Variants in OLFM1 observed in about 807,000 individuals in gnomAD.
OLFM1 encodes the protein noelin.
OLFM1 carries 9 observed loss-of-function variants against 49.7 expected under a neutral mutation model. The observed-to-expected ratio is 0.18, with a 90% CI of 0.11 to 0.32. OLFM1 has a LOEUF of 0.32. OLFM1 is among the 10% of genes least tolerant of loss of function. The pLI, the probability that OLFM1 is intolerant of heterozygous loss-of-function variation, is 1.00. For missense variants in OLFM1, 369 were observed against 661.8 expected (o/e 0.56, Z 4.85); for synonymous variants, 240 against 271.8 (o/e 0.88, Z 1.15).
intron 1 of OLFM1, chr9:135,076,942 G>A (rs1564264444): frequency 1.3e-6 from 2 of 1,550,640 alleles, no homozygotes; most frequent in East Asian, 2.4e-5. Flanking sequence ...GCTCTGCCCA[G>A]GATGTGCAGT....
At chr9:135,106,981 C>T (rs1376666093) in intron 5 of OLFM1, 126 bp downstream of exon 5, 6 of 724,464 alleles carry the variant, frequency 8.3e-6, no homozygotes, top group African/African-American at 1.8e-5. Flanking sequence ...AGCTTGGTGC[C>T]TGGGGGCGTT....
intron 2 of OLFM1, among the ~76,000 whole-genome samples, chr9:135,091,874 G>A (rs912526534): frequency 2.6e-5 from 2 of 76,972 alleles, no homozygotes; most frequent in Non-Finnish European, 5.6e-5. Flanking sequence ...CTCACACACA[G>A]TCACACACAC....
At chr9:135,076,694 G>A in intron 1 of OLFM1, 1 of 1,389,950 alleles carries the variant, frequency 7.2e-7, no homozygotes, top group Non-Finnish European at 9.5e-7. Flanking sequence ...TCTGAACTGG[G>A]AGACTCTGGC....
chr9:135,106,531 C>T (rs1830945928), intron 4 of OLFM1: 1 of 563,284 alleles, frequency 1.8e-6, no homozygotes, highest in African/African-American at 1.9e-5. Context: ...CTATCCTGGC[C>T]ACAGCTGCTC....
chr9:135,076,076 C>A, intron 1 of OLFM1: 1 of 1,475,342 alleles, frequency 6.8e-7, no homozygotes, highest in Non-Finnish European at 9.0e-7. Flanking sequence ...GCCCCCGACT[C>A]CCTGCTGAGA....
rs1831155332 is a variant in OLFM1 at position 135,119,435 on chromosome 9, C to A, written c.784-69C>A. On this transcript the variant is annotated intron_variant, in intron 5 of 5. Coordinates refer to ENST00000371793, the MANE Select transcript of OLFM1 (RefSeq NM_001282611.2). ...AGTACTCACTGGATCTTTGGAAGTG[C>A]TCACTGGGTCTTTGGAGTACTCACT... The A allele has an allele frequency of 4.6e-6, 6 of 1,318,652 alleles. No individual in the cohort carries two copies. In the Admixed American group the frequency reaches 1.2e-4, roughly 26 times the overall value. 81.7% of individuals were successfully genotyped at this position (1,318,652 alleles called of 1,614,324 possible).
rs555316885 is a variant in OLFM1 at position 135,102,312 on chromosome 9, C to T, written c.676+3807C>T. 1.1e-4 allele frequency among the ~76,000 whole-genome samples: 17 copies of T among 152,334 alleles called. No individual in the cohort carries two copies. In the East Asian group the frequency reaches 1.5e-3, roughly 14 times the overall value. On this transcript the variant is annotated intron_variant, in intron 4 of 5. Transcript: ENST00000371793. ...GAGAGGGTCTGTCTTCTCCTGCCCC[C>T]GGCCCTGAGTGGAGCTAGACAGTGA...
intron 5 of OLFM1, among the ~76,000 whole-genome samples, chr9:135,112,595 C>T (rs771508173): frequency 7.9e-5 from 12 of 152,200 alleles, no homozygotes; most frequent in African/African-American, 1.2e-4. Flanking sequence ...GCCATGCACA[C>T]CTGCTTTCAG....
At chr9:135,101,698 C>T (rs756396806) in intron 4 of OLFM1, among the ~76,000 whole-genome samples, 1 of 152,198 alleles carries the variant, frequency 6.6e-6, no homozygotes, top group African/African-American at 2.4e-5. Flanking sequence ...CTGAGCTGGG[C>T]GTGGGGCCCT....
intron 1 of OLFM1, chr9:135,076,319 G>C: frequency 3.9e-6 from 6 of 1,549,970 alleles, no homozygotes; most frequent in Non-Finnish European, 5.2e-6. Flanking sequence ...GGCAGCCAGC[G>C]TGCCGGCCAG....
At chr9:135,077,223 G>T in intron 1 of OLFM1, 2 of 1,503,106 alleles carry the variant, frequency 1.3e-6, no homozygotes. Context: ...GTCCTGATTA[G>T]TGGCAAGCTG....
In OLFM1 at chr9:135,120,375, A is replaced by C; in HGVS notation, c.*197A>C. ...CGGCGGGCCACAGACGTCGGAAGAA[A>C]CTCCCGTATTTGCAGCTGGAACTGC... On this transcript the variant is annotated 3_prime_UTR_variant, in exon 6 of 6. Coordinates refer to ENST00000371793, the MANE Select transcript of OLFM1 (RefSeq NM_001282611.2). The C allele has an allele frequency of 8.5e-6, 5 of 589,310 alleles. No individual in the cohort carries two copies. Among genetic ancestry groups the C allele is most frequent in the East Asian group, 2.9e-5 (1 of 34,834 alleles). The allele number at this position is 589,310 out of a possible 1,614,324, so 36.5% of individuals were successfully genotyped here. A position where few individuals can be genotyped will look rare whatever the true frequency, so the allele number is the denominator to read the frequency against.
At chr9:135,114,493 T>C (rs1375039482) in intron 5 of OLFM1, among the ~76,000 whole-genome samples, 13 of 152,062 alleles carry the variant, frequency 8.5e-5, no homozygotes, top group Non-Finnish European at 1.8e-4. Flanking sequence ...GGACCTATCT[T>C]CTGGGGGCCA....
chr9:135,099,343 G>A (rs1172506332), intron 4 of OLFM1, among the ~76,000 whole-genome samples: 1 of 152,028 alleles, frequency 6.6e-6, no homozygotes, highest in Non-Finnish European at 1.5e-5. Flanking sequence ...TAATTTTAGG[G>A]TGATTTTGCC....
chr9:135,105,074 C>T (rs1042065628), intron 4 of OLFM1, among the ~76,000 whole-genome samples: 1 of 152,244 alleles, frequency 6.6e-6, no homozygotes, highest in African/African-American at 2.4e-5. Context: ...GTGTGGACCA[C>T]GGCCGAGAAG....
intron 2 of OLFM1, among the ~76,000 whole-genome samples, chr9:135,090,725 G>T (rs1830674415): frequency 6.6e-6 from 1 of 152,136 alleles, no homozygotes; most frequent in Admixed American, 6.5e-5. Flanking sequence ...CATAATCTGT[G>T]TGCACAGGGC....
intron 2 of OLFM1, among the ~76,000 whole-genome samples, chr9:135,095,453 G>A (rs1311022651): frequency 2.0e-5 from 3 of 150,158 alleles, no homozygotes; most frequent in Non-Finnish European, 4.4e-5. Context: ...TGGTGTTTAT[G>A]CTTGCCTAAC....
At chr9:135,096,988 C>T (rs1335191552) in intron 3 of OLFM1, among the ~76,000 whole-genome samples, 22 of 152,116 alleles carry the variant, frequency 1.4e-4, no homozygotes, top group Admixed American at 7.9e-4. Context: ...TCGACTGAAA[C>T]GTTATATGCC....
chr9:135,089,141 T>C (rs561591302), intron 1 of OLFM1, among the ~76,000 whole-genome samples: 1 of 152,354 alleles, frequency 6.6e-6, no homozygotes, highest in East Asian at 1.9e-4. Flanking sequence ...AAGACCCCTC[T>C]TGAGGCCGCC....
Sources: gnomAD v4.1 joint callset for allele counts (sites outside exome capture counted in the v4.1 genomes callset) on GRCh38, gnomAD v4.1.1 for gene constraint, MANE v1.5 for transcripts, NCBI Gene and HGNC (gene_info 2026-07-23, HGNC 2026-07-21) for gene names.